Variants in AOAH observed in about 807,000 individuals in gnomAD.
AOAH encodes the protein acyloxyacyl hydrolase.
AOAH carries 64 observed loss-of-function variants against 92.2 expected under a neutral mutation model. The observed-to-expected ratio is 0.69, with a 90% CI of 0.57 to 0.86. The LOEUF (loss-of-function observed/expected upper bound fraction) is 0.86. Among genes scored for constraint, AOAH ranks in the 40% least tolerant of loss-of-function variants. The pLI is 0.00. For missense variants in AOAH, 656 were observed against 694.6 expected, an observed-to-expected ratio of 0.94 and a Z score of 0.62; for synonymous variants, 263 against 254.5, an observed-to-expected ratio of 1.03 and a Z score of -0.32.
intron 14 of AOAH, 77 bp from the exon 15 acceptor site, chr7:36,548,763 T>A: frequency 1.5e-6 from 2 of 1,354,170 alleles, no homozygotes; most frequent in Non-Finnish European, 2.1e-6. Flanking sequence ...AGGCTGGGCC[T>A]TTGAAAACAA....
chr7:36,513,208 C>G lies in AOAH; in HGVS notation c.*44G>C. The G allele has an allele frequency of 1.9e-6, 3 of 1,614,192 alleles. No homozygotes were observed. Among genetic ancestry groups the G allele is most frequent in the Non-Finnish European group, 2.5e-6 (3 of 1,180,024 alleles). On this transcript the variant is annotated 3_prime_UTR_variant, in exon 21 of 21. Coordinates refer to ENST00000617537, the MANE Select transcript of AOAH (RefSeq NM_001637.4). The stretch of plus-strand genomic sequence containing the variant: ...GTTTGTGGAATGAGTTTACCCAAGC[C>G]TCTGCCTCCCTGTGCTCCCCAGGGG...
chr7:36,558,971 C>T (rs889804141), intron 13 of AOAH, among the ~76,000 whole-genome samples: 8 of 152,252 alleles, frequency 5.3e-5, no homozygotes, highest in Admixed American at 2.6e-4. Flanking sequence ...GCACATGGTG[C>T]GCTGCACCCA....
intron 1 of AOAH, among the ~76,000 whole-genome samples, chr7:36,702,498 T>A (rs541188403): frequency 6.6e-6 from 1 of 152,332 alleles, no homozygotes; most frequent in South Asian, 2.1e-4. Flanking sequence ...ATCTTGGAGA[T>A]ATTCAGTTCC....
intron 8 of AOAH, 69 bp from the exon 9 acceptor site, chr7:36,620,898 TGAA>T: frequency 2.4e-6 from 2 of 830,604 alleles, no homozygotes; most frequent in Non-Finnish European, 3.3e-6. Flanking sequence ...GTTTCATGCA[TGAA>T]TGAATGAATG....
Position 36,606,966 on chromosome 7 carries a change from G to A in AOAH, c.846+9414C>T, listed in dbSNP as rs183195065. Among the ~76,000 whole-genome samples, 760 of 152,280 alleles carry A rather than the reference G, an allele frequency of 5.0e-3. 5 individuals are homozygous for A. The highest frequency in any genetic ancestry group is 6.0e-3 in the Non-Finnish European group (409 of 68,012). On this transcript the variant is annotated intron_variant, in intron 11 of 20. Transcript: ENST00000617537. ...CGGAATGAGACTCAGAACCCTTTGT[G>A]TCTCTGGAACCATGAGAGAGAGTCT...
At chr7:36,603,366 C>T (rs569588914) in intron 11 of AOAH, among the ~76,000 whole-genome samples, 32 of 152,318 alleles carry the variant, frequency 2.1e-4, no homozygotes, top group African/African-American at 7.5e-4. Flanking sequence ...TCCAGCTCCA[C>T]TGTCTTGACT....
chr7:36,665,878 C>A (rs906403999), intron 3 of AOAH, among the ~76,000 whole-genome samples: 1 of 151,944 alleles, frequency 6.6e-6, no homozygotes, highest in Non-Finnish European at 1.5e-5. Flanking sequence ...TTGAACCAGT[C>A]TTGTATATTT....
Position 36,699,381 on chromosome 7 carries a change from T to C in AOAH, c.128-12587A>G, listed in dbSNP as rs945521360. Reference sequence around the variant, plus strand: ...TTTTCAGTTTTTTGAGGAACTTCCCTACTGTTTTCCACAGTGGCTGAACTA... The same window carrying C: ...TTTTCAGTTTTTTGAGGAACTTCCCCACTGTTTTCCACAGTGGCTGAACTA... On this transcript the variant is annotated intron_variant, in intron 1 of 20. Coordinates refer to ENST00000617537, the MANE Select transcript of AOAH (RefSeq NM_001637.4). Among the ~76,000 whole-genome samples the C allele has an allele frequency of 3.9e-5, 6 of 152,214 alleles. 1 individual carries two copies. Among genetic ancestry groups the C allele is most frequent in the Admixed American group, 6.5e-5 (1 of 15,276 alleles).
chr7:36,710,426 C>G (rs557544427), intron 1 of AOAH, among the ~76,000 whole-genome samples: 1 of 152,144 alleles, frequency 6.6e-6, no homozygotes, highest in Non-Finnish European at 1.5e-5. Flanking sequence ...GAGTTCAGTC[C>G]GGCAACTGCA....
At chr7:36,543,947 C>CTTT (rs1219471100) in intron 15 of AOAH, among the ~76,000 whole-genome samples, 5 of 91,006 alleles carry the variant, frequency 5.5e-5, no homozygotes, top group African/African-American at 8.7e-5. Flanking sequence ...TTCTTTCTTT[C>CTTT]TTTTTTTTTT....
chr7:36,532,573 A>AGAG (rs1276646967), intron 16 of AOAH, among the ~76,000 whole-genome samples: 1 of 152,178 alleles, frequency 6.6e-6, no homozygotes, highest in African/African-American at 2.4e-5. Flanking sequence ...ACTGCCATAT[A>AGAG]GAGCTGTGGG....
intron 1 of AOAH, among the ~76,000 whole-genome samples, chr7:36,714,626 A>G (rs932850826): frequency 6.6e-6 from 1 of 152,204 alleles, no homozygotes; most frequent in African/African-American, 2.4e-5. Context: ...AAGCTTATCC[A>G]CCATGATCAA....
intron 1 of AOAH, among the ~76,000 whole-genome samples, chr7:36,700,949 G>T (rs12536036): frequency 0.58 from 87,969 of 151,858 alleles, 25,754 homozygotes; most frequent in East Asian, 0.83. Context: ...GTTGAACATT[G>T]TTTAATATGC....
At chr7:36,645,164 C>T (rs1259281797) in intron 4 of AOAH, among the ~76,000 whole-genome samples, 1 of 152,122 alleles carries the variant, frequency 6.6e-6, no homozygotes, top group Non-Finnish European at 1.5e-5. Context: ...ACCTGAATCT[C>T]CCTATGATGG....
chr7:36,569,370 G>T (rs1046611389), intron 13 of AOAH, among the ~76,000 whole-genome samples: 1 of 152,118 alleles, frequency 6.6e-6, no homozygotes, highest in East Asian at 1.9e-4. Flanking sequence ...ATGGGTGGCC[G>T]CAATGCAAAT....
chr7:36,592,903 G>A (rs1481702855), intron 12 of AOAH, among the ~76,000 whole-genome samples: 1 of 152,064 alleles, frequency 6.6e-6, no homozygotes, highest in African/African-American at 2.4e-5. Context: ...GTTTGAAAAG[G>A]TATAACTACA....
At chr7:36,563,689 C>T (rs969284746) in intron 13 of AOAH, among the ~76,000 whole-genome samples, 1 of 152,156 alleles carries the variant, frequency 6.6e-6, no homozygotes, top group African/African-American at 2.4e-5. Context: ...CATCTATTAA[C>T]ATTTTTGAAC....
intron 6 of AOAH, among the ~76,000 whole-genome samples, chr7:36,629,415 G>T (rs1330383041): frequency 1.3e-5 from 2 of 152,156 alleles, no homozygotes; most frequent in African/African-American, 2.4e-5. Context: ...TCAACAGGGA[G>T]GGGGCAGGGG....
Position 36,621,807 on chromosome 7 carries a change from G to A in AOAH, c.583-27C>T, listed in dbSNP as rs747649442. 5.0e-6 allele frequency: 8 copies of A among 1,608,802 alleles called. No homozygotes were observed. In the African/African-American group the frequency reaches 1.1e-4, roughly 22 times the overall value. On this transcript the variant is annotated intron_variant, in intron 7 of 20. Transcript: ENST00000617537. ...TGAAATTGAAGAGCACACACAGGAG[G>A]GGTTCAGCCTGCTTTGATGTTATCC...
Sources: allele counts gnomAD v4.1 joint callset (sites outside exome capture counted in the v4.1 genomes callset), GRCh38; gene constraint gnomAD v4.1.1; transcripts MANE v1.5; gene names NCBI Gene and HGNC (gene_info 2026-07-23, HGNC 2026-07-21).